ZNF292: variants seen among roughly 807,000 people sequenced by gnomAD.
ZNF292 encodes zinc finger protein 292.
In ZNF292, 26 loss-of-function variants were observed where a neutral mutation model predicts 217.9. The observed-to-expected ratio is 0.12, with a 90% confidence interval of 0.09 to 0.17. The LOEUF (loss-of-function observed/expected upper bound fraction) is 0.17, where lower values mean the gene tolerates loss of function less well. ZNF292 is among the 10% of genes least tolerant of loss of function. ZNF292 has a pLI of 1.00. For synonymous variants in ZNF292, 1,257 were observed against 1,124.1 expected (o/e 1.12, Z -2.37); for missense variants, 2,904 against 3,175.2 (o/e 0.91, Z 2.05).
intron 6 of ZNF292, among the ~76,000 whole-genome samples, chr6:87,243,818 C>T (rs753751382): frequency 4.0e-4 from 61 of 152,132 alleles, no homozygotes; most frequent in Non-Finnish European, 7.8e-4. Flanking sequence ...AATTCCTTAG[C>T]ATGCATACCA....
chr6:87,232,618 G>A (rs531111592), intron 4 of ZNF292, among the ~76,000 whole-genome samples: 1 of 152,030 alleles, frequency 6.6e-6, no homozygotes, highest in South Asian at 2.1e-4. Flanking sequence ...AAGCACTAGG[G>A]GATAGTCAGA....
At chr6:87,215,234 A>G (rs896183072) in intron 1 of ZNF292, 2 of 152,274 alleles carry the variant, frequency 1.3e-5, no homozygotes, top group Admixed American at 6.5e-5. Context: ...CTTTTAAAGT[A>G]ATTCTGATGA....
chr6:87,175,265 C>T (rs916398632), intron 1 of ZNF292, among the ~76,000 whole-genome samples: 3 of 152,142 alleles, frequency 2.0e-5, no homozygotes, highest in African/African-American at 2.4e-5. Flanking sequence ...TGCCAGACTT[C>T]TTGGAAAGGT....
chr6:87,234,501 G>T (rs1299659059), intron 5 of ZNF292, among the ~76,000 whole-genome samples: 2 of 151,966 alleles, frequency 1.3e-5, no homozygotes, highest in East Asian at 1.9e-4. Context: ...GGGGGTTGCA[G>T]TGAGCCAAGA....
chr6:87,264,885 A>AG lies in ZNF292; in HGVS notation c.*3089dup, dbSNP rs781640693. Among the ~76,000 whole-genome samples the AG allele has an allele frequency of 2.0e-5, 3 of 152,218 alleles. No homozygotes were observed. Among genetic ancestry groups the AG allele is most frequent in the Non-Finnish European group, 4.4e-5 (3 of 68,028 alleles). On this transcript the variant is annotated 3_prime_UTR_variant, in exon 8 of 8. Transcript: ENST00000369577. ...AAATTGAGTAAGTTGGAGATTAATTAGGGGGACCTAAAATAGTCCAGGCAA... is the reference window on the plus strand; with the variant it reads ...AAATTGAGTAAGTTGGAGATTAATTAGGGGGGACCTAAAATAGTCCAGGCAA...
At chr6:87,237,084 A>G (rs906704857) in intron 5 of ZNF292, among the ~76,000 whole-genome samples, 5 of 152,236 alleles carry the variant, frequency 3.3e-5, no homozygotes, top group Non-Finnish European at 7.3e-5. Context: ...AGTGTGAAAT[A>G]TCTTCTTAGA....
chr6:87,241,533 C>T (rs965627880), intron 5 of ZNF292, among the ~76,000 whole-genome samples: 1 of 151,532 alleles, frequency 6.6e-6, no homozygotes, highest in Non-Finnish European at 1.5e-5. Flanking sequence ...GTTTTCCCAC[C>T]TCAACCTCCC....
chr6:87,248,148 CTG>C (rs1313298990), intron 7 of ZNF292, among the ~76,000 whole-genome samples: 4 of 152,150 alleles, frequency 2.6e-5, no homozygotes, highest in African/African-American at 4.8e-5. Context: ...AATCTAAAAA[CTG>C]AGATGCAGCA....
intron 1 of ZNF292, among the ~76,000 whole-genome samples, chr6:87,161,455 C>G (rs1770752602): frequency 6.6e-6 from 1 of 152,222 alleles, no homozygotes; most frequent in Non-Finnish European, 1.5e-5. Flanking sequence ...AGGGTCTCCA[C>G]TCTGTCACCC....
intron 7 of ZNF292, among the ~76,000 whole-genome samples, chr6:87,251,016 A>G (rs1365894647): frequency 6.6e-6 from 1 of 152,216 alleles, no homozygotes. Flanking sequence ...GGGCCATAAT[A>G]ACCCACTTGT....
intron 1 of ZNF292, among the ~76,000 whole-genome samples, chr6:87,157,491 A>G (rs1770583124): frequency 6.6e-6 from 1 of 152,232 alleles, no homozygotes; most frequent in African/African-American, 2.4e-5. Context: ...ATTAAAGTCT[A>G]GCTTTGCTGA....
chr6:87,196,526 A>C (rs965912473), intron 1 of ZNF292, among the ~76,000 whole-genome samples: 15 of 152,220 alleles, frequency 9.9e-5, no homozygotes, highest in African/African-American at 3.6e-4. Context: ...GTTGCTGTCA[A>C]ATTTTGGGAA....
In ZNF292 at chr6:87,258,538, C is replaced by G; in HGVS notation, c.4909C>G (p.Pro1637Ala). 2 of 1,613,632 alleles carry G rather than the reference C, an allele frequency of 1.2e-6. No homozygotes were observed. Among genetic ancestry groups the G allele is most frequent in the African/African-American group, 2.7e-5 (2 of 75,020 alleles). The change falls in exon 8 of 8, where the codon CCA (proline) becomes GCA (alanine). Residue 1637 changes from proline (P) to alanine (A), a missense_variant. Coordinates refer to ENST00000369577, the MANE Select transcript of ZNF292 (RefSeq NM_015021.3). ...TAAGAGAAGAAAGAAAGTTGCTCCT[C>G]CACTAATTGCACCTAACGCTTCCCA... Reference protein sequence around the residue: ...ASKRRKKVAPPLIAPNASQNL... With the variant: ...ASKRRKKVAPALIAPNASQNL...
chr6:87,261,353 A>G lies in ZNF292; in HGVS notation c.7724A>G (p.Glu2575Gly). ...ACTGCTGTTGCCATTCAAACCATTG[A>G]GGAGCATCCTGCATCTTTTGACTGG... ...EETAVAIQTIEEHPASFDWSS... is the reference protein window; with the variant it reads ...EETAVAIQTIGEHPASFDWSS... The change falls in exon 8 of 8, where the codon GAG becomes GGG. Residue 2575 changes from glutamate (E) to glycine (G), a missense_variant. Glu to Gly is a moderately conservative substitution (Grantham distance 98). Coordinates refer to ENST00000369577, the MANE Select transcript of ZNF292 (RefSeq NM_015021.3). The G allele has an allele frequency of 6.2e-7, 1 of 1,613,378 alleles. No homozygotes were observed. Among genetic ancestry groups the G allele is most frequent in the Middle Eastern group, 1.6e-4 (1 of 6,062 alleles).
intron 7 of ZNF292, among the ~76,000 whole-genome samples, chr6:87,250,163 A>G (rs570766970): frequency 2.6e-5 from 4 of 152,082 alleles, no homozygotes; most frequent in African/African-American, 9.6e-5. Context: ...GATTGAAAAT[A>G]TTCAGGGGCC....
intron 7 of ZNF292, among the ~76,000 whole-genome samples, chr6:87,253,328 A>C (rs1775033126): frequency 3.3e-5 from 5 of 150,082 alleles, no homozygotes; most frequent in African/African-American, 1.2e-4. Context: ...TTCCAGGTTC[A>C]AGCGATCCTC....
At position 87,190,959 on chromosome 6, in the gene ZNF292, C is replaced by T. The variant is rs530913112; in HGVS notation, c.169-24944C>T. 3.3e-4 allele frequency among the ~76,000 whole-genome samples: 50 copies of T among 152,200 alleles called. No individual in the cohort carries two copies. In the South Asian group the frequency reaches 9.5e-3, roughly 29 times the overall value. On this transcript the variant is annotated intron_variant, in intron 1 of 7. Coordinates refer to ENST00000369577, the MANE Select transcript of ZNF292 (RefSeq NM_015021.3). ...TCCACTCTTCAGAGGTAGCTGTTTA[C>T]AAAACTGAGTATATTAGACATTTTC...
At position 87,260,936 on chromosome 6, in the gene ZNF292, AGGAAAC is replaced by A; in HGVS notation, c.7309_7314del (p.Glu2437_Thr2438del). 1 of 1,611,092 alleles carries A rather than the reference AGGAAAC, an allele frequency of 6.2e-7. No individual in the cohort carries two copies. The highest frequency in any genetic ancestry group is 8.5e-7 in the Non-Finnish European group (1 of 1,178,420). On this transcript the variant is annotated inframe_deletion, in exon 8 of 8. Transcript: ENST00000369577. ...AAACGGTGTTGCAACTCACAAGTAA[AGGAAAC>A]GTCTGAGCAAGAAGGTGCTAAGAAT...
At chr6:87,169,543 C>A in intron 1 of ZNF292, 1 of 283,004 alleles carries the variant, frequency 3.5e-6, no homozygotes, top group South Asian at 2.8e-5. Flanking sequence ...TTTGATTTAC[C>A]AAAGTTGATT....
Sources: allele counts gnomAD v4.1 joint callset (sites outside exome capture counted in the v4.1 genomes callset), GRCh38; gene constraint gnomAD v4.1.1; transcripts MANE v1.5; gene names NCBI Gene and HGNC (gene_info 2026-07-23, HGNC 2026-07-21).